The following CNTNAP5 variants were observed in gnomAD, a reference collection of about 807,000 sequenced individuals.
CNTNAP5 encodes the protein contactin associated protein family member 5.
Under a neutral mutation model 150.2 loss-of-function variants are expected in CNTNAP5, and 72 were observed. The ratio of observed to expected loss-of-function variants is 0.48; its 90% CI spans 0.40 to 0.58. The LOEUF (loss-of-function observed/expected upper bound fraction) is 0.58, where lower values mean the gene tolerates loss of function less well. Ranked by LOEUF, CNTNAP5 falls within the 20% of genes least tolerant of loss-of-function variation. The probability of loss-of-function intolerance (pLI) is 0.00; values close to 1 mark genes in which losing one functional copy is unlikely to be tolerated. For synonymous variants in CNTNAP5, 672 were observed against 619.8 expected, an observed-to-expected ratio of 1.08 and a Z score of -1.25; for missense variants, 1,636 against 1,626.2, an observed-to-expected ratio of 1.01 and a Z score of -0.10.
intron 13 of CNTNAP5, among the ~76,000 whole-genome samples, chr2:124,727,777 A>G (rs760237483): frequency 2.0e-5 from 3 of 151,808 alleles, no homozygotes; most frequent in Non-Finnish European, 4.4e-5. Context: ...TATTTTTTCC[A>G]TTTTGGATGT....
intron 21 of CNTNAP5, among the ~76,000 whole-genome samples, chr2:124,899,075 A>C (rs1296026592): frequency 2.6e-5 from 4 of 151,478 alleles, no homozygotes; most frequent in African/African-American, 7.3e-5. Context: ...GTGATCCGCC[A>C]TGTCACGTTA....
At chr2:124,367,253 G>T (rs1690399608) in intron 3 of CNTNAP5, among the ~76,000 whole-genome samples, 1 of 152,178 alleles carries the variant, frequency 6.6e-6, no homozygotes, top group African/African-American at 2.4e-5. Context: ...TTCTCATGGT[G>T]CTGTGAAGAA....
chr2:124,838,024 G>A (rs1682865152), intron 19 of CNTNAP5, among the ~76,000 whole-genome samples: 1 of 151,992 alleles, frequency 6.6e-6, no homozygotes, highest in Admixed American at 6.6e-5. Flanking sequence ...TGACACAGAG[G>A]ATCAAGCCTA....
intron 13 of CNTNAP5, among the ~76,000 whole-genome samples, chr2:124,707,100 G>GGAAGAGGAA (rs1679689202): frequency 1.1e-5 from 1 of 92,354 alleles, no homozygotes; most frequent in African/African-American, 4.4e-5. Context: ...AAGAAGAAGA[G>GGAAGAGGAA]GAAGAAGAAG....
chr2:124,684,258 A>G (rs1329114761), intron 13 of CNTNAP5, among the ~76,000 whole-genome samples: 3 of 152,168 alleles, frequency 2.0e-5, no homozygotes, highest in East Asian at 1.9e-4. Context: ...AGTCCTGTCA[A>G]TATCTGAATA....
chr2:124,304,681 T>C (rs1688639023), intron 3 of CNTNAP5, among the ~76,000 whole-genome samples: 1 of 152,142 alleles, frequency 6.6e-6, no homozygotes, highest in Admixed American at 6.5e-5. Flanking sequence ...AGGAGGAAAC[T>C]AGTAGCCATC....
At chr2:124,287,222 G>A (rs1201665922) in intron 3 of CNTNAP5, among the ~76,000 whole-genome samples, 3 of 152,142 alleles carry the variant, frequency 2.0e-5, no homozygotes, top group African/African-American at 7.2e-5. Flanking sequence ...TGAGGTAGGT[G>A]GTCTCATTAT....
chr2:124,586,086 C>T (rs1198976035), intron 11 of CNTNAP5, among the ~76,000 whole-genome samples: 1 of 152,052 alleles, frequency 6.6e-6, no homozygotes, highest in African/African-American at 2.4e-5. Context: ...AGGCAACTTC[C>T]TATAGTAGGA....
intron 19 of CNTNAP5, among the ~76,000 whole-genome samples, chr2:124,858,081 A>G (rs1053053682): frequency 1.3e-5 from 2 of 152,314 alleles, no homozygotes; most frequent in South Asian, 2.1e-4. Context: ...ATTTATGACA[A>G]ACCCACAGCC....
chr2:124,513,643 G>A (rs747584884), intron 8 of CNTNAP5, among the ~76,000 whole-genome samples: 13 of 152,190 alleles, frequency 8.5e-5, no homozygotes, highest in Non-Finnish European at 1.8e-4. Flanking sequence ...AACAGGGAAA[G>A]AAGAGTTAGT....
At chr2:124,114,849 A>G (rs945906930) in intron 1 of CNTNAP5, among the ~76,000 whole-genome samples, 1 of 151,524 alleles carries the variant, frequency 6.6e-6, no homozygotes, top group Non-Finnish European at 1.5e-5. Flanking sequence ...TATTTATAAT[A>G]TTGAAGGTGG....
intron 6 of CNTNAP5, among the ~76,000 whole-genome samples, chr2:124,460,575 C>T (rs1343289492): frequency 6.6e-6 from 1 of 152,152 alleles, no homozygotes; most frequent in Non-Finnish European, 1.5e-5. Flanking sequence ...TCATTTATAT[C>T]TATAGCATTT....
intron 16 of CNTNAP5, 83 bp downstream of exon 16, chr2:124,764,230 C>A: frequency 9.8e-7 from 1 of 1,020,572 alleles, no homozygotes; most frequent in Non-Finnish European, 1.5e-6. Context: ...CACTAGTGGG[C>A]ATTTGTACCA....
intron 19 of CNTNAP5, among the ~76,000 whole-genome samples, chr2:124,821,240 C>T (rs1239221074): frequency 1.3e-5 from 2 of 152,162 alleles, no homozygotes; most frequent in South Asian, 2.1e-4. Context: ...GGACAGAAAA[C>T]TAAGGAGAAA....
chr2:124,600,731 C>CAGAGAGAGAGAGAG lies in CNTNAP5; in HGVS notation c.1757-9046_1757-9033dup, dbSNP rs374118230. ...ACCCCCAAAATACAACAACAATACT[C>CAGAGAGAGAGAGAG]AGAGAGAGAGAGAGAGAGAGAGAGA... On this transcript the variant is annotated intron_variant, in intron 11 of 23. Transcript: ENST00000682447. Among the ~76,000 whole-genome samples the CAGAGAGAGAGAGAG allele has an allele frequency of 6.6e-3, 821 of 123,868 alleles. 2 individuals carry two copies. The highest frequency in any genetic ancestry group is 8.9e-3 in the Non-Finnish European group (535 of 60,404). The allele number at this position is 123,868 out of a possible 152,430, so 81.3% of individuals were successfully genotyped here.
At chr2:124,505,333 T>C (rs924396503) in intron 8 of CNTNAP5, among the ~76,000 whole-genome samples, 3 of 152,154 alleles carry the variant, frequency 2.0e-5, no homozygotes, top group African/African-American at 7.2e-5. Flanking sequence ...GCTGGGAATT[T>C]ATCCTGAATT....
At chr2:124,488,339 A>C (rs181069515) in intron 7 of CNTNAP5, among the ~76,000 whole-genome samples, 24 of 152,260 alleles carry the variant, frequency 1.6e-4, no homozygotes, top group African/African-American at 5.8e-4. Context: ...ATATTTATCT[A>C]TTTTAATCCT....
At chr2:124,807,914 A>G (rs1432953981) in intron 19 of CNTNAP5, among the ~76,000 whole-genome samples, 1 of 152,200 alleles carries the variant, frequency 6.6e-6, no homozygotes, top group Non-Finnish European at 1.5e-5. Flanking sequence ...TTAGAAACAC[A>G]ATGCCAGTGA....
intron 1 of CNTNAP5, among the ~76,000 whole-genome samples, chr2:124,068,600 A>G (rs1682222382): frequency 6.6e-6 from 1 of 152,022 alleles, no homozygotes; most frequent in Non-Finnish European, 1.5e-5. Context: ...GGGGTGGTGC[A>G]TGACCTAGTG....
Sources: allele counts gnomAD v4.1 joint callset (sites outside exome capture counted in the v4.1 genomes callset), GRCh38; gene constraint gnomAD v4.1.1; transcripts MANE v1.5; gene names NCBI Gene and HGNC (gene_info 2026-07-23, HGNC 2026-07-21).